CLDN14: variants seen among roughly 807,000 people sequenced by gnomAD.
CLDN14 encodes claudin 14.
Under a neutral mutation model 2.1 loss-of-function variants are expected in CLDN14, and 2 were observed. That is an observed-to-expected ratio of 0.96 (90% CI 0.39 to 3.01). The LOEUF (loss-of-function observed/expected upper bound fraction) is 3.01. Ranked by LOEUF, CLDN14 falls within the 30% of genes most tolerant of loss-of-function variation. CLDN14 has a pLI of 0.09. For missense variants in CLDN14, 298 were observed against 328.0 expected (o/e 0.91, Z 0.71); for synonymous variants, 136 against 154.4 (o/e 0.88, Z 0.88).
intron 1 of CLDN14, among the ~76,000 whole-genome samples, chr21:36,543,141 T>G (rs754241101): frequency 1.3e-5 from 2 of 152,160 alleles, no homozygotes; most frequent in Non-Finnish European, 2.9e-5. Flanking sequence ...ACTCAACTGC[T>G]GGGGCAGGGG....
Position 36,488,979 on chromosome 21 carries a change from A to G in CLDN14, c.-82+21384T>C, listed in dbSNP as rs139957562. Among the ~76,000 whole-genome samples, 1,129 of 151,540 alleles carry G rather than the reference A, an allele frequency of 7.5e-3. 12 individuals carry two copies. The highest frequency in any genetic ancestry group is 0.025 in the African/African-American group (1,050 of 41,314). ...ACAAAAATTAGCTGGGTGTGGTGGC[A>G]TGCATCTGCGATCCCAGCTACTCAG... On this transcript the variant is annotated intron_variant, in intron 2 of 2. Coordinates refer to the CLDN14 transcript ENST00000342108.
At chr21:36,557,117 AG>A (rs2087604284) in intron 1 of CLDN14, among the ~76,000 whole-genome samples, 1 of 152,202 alleles carries the variant, frequency 6.6e-6, no homozygotes, top group Non-Finnish European at 1.5e-5. Flanking sequence ...CTCATATTGT[AG>A]AATTTCTTAC....
At chr21:36,481,828 A>G (rs540314843), upstream of CLDN14, among the ~76,000 whole-genome samples, 61 of 152,340 alleles carry the variant, frequency 4.0e-4, no homozygotes, top group South Asian at 8.5e-3. Context: ...ATAGAAAGGT[A>G]TTGATTTGTT....
At chr21:36,488,515 C>A (rs1387809819) in intron 2 of CLDN14, among the ~76,000 whole-genome samples, 1 of 152,026 alleles carries the variant, frequency 6.6e-6, no homozygotes, top group Non-Finnish European at 1.5e-5. Context: ...CGTGATCCAC[C>A]CTCCTCGGCC....
chr21:36,520,362 T>G (rs763923773), intron 1 of CLDN14, among the ~76,000 whole-genome samples: 56 of 152,340 alleles, frequency 3.7e-4, no homozygotes, highest in South Asian at 1.2e-3. Context: ...AATCTCATCT[T>G]GAATTGTAGC....
At position 36,461,312 on chromosome 21, in the gene CLDN14, G is replaced by A. The variant is rs780095902; in HGVS notation, c.384C>T (p.Ala128=). ...AGACGGCCACCATGCACAGGAGGCC[G>A]GCCAGGATGAAGAGGGTGCCGCCGA... ...AILGGTLFIL[A]GLLCMVAVSW... Residue 128 remains alanine (A), a synonymous_variant, in exon 2 of 2, where the codon GCC becomes GCT. Transcript: ENST00000399135. 18 of 1,613,620 alleles carry A rather than the reference G, an allele frequency of 1.1e-5. No individual in the cohort carries two copies. The highest frequency in any genetic ancestry group is 3.3e-5 in the Admixed American group (2 of 60,028).
chr21:36,470,255 G>A (rs1243539215), intron 1 of CLDN14, among the ~76,000 whole-genome samples: 3 of 152,168 alleles, frequency 2.0e-5, no homozygotes, highest in African/African-American at 7.2e-5. Context: ...TTTGGAAATA[G>A]GGTCATTGCA....
At chr21:36,540,225 T>C (rs1225860730) in intron 1 of CLDN14, among the ~76,000 whole-genome samples, 1 of 152,062 alleles carries the variant, frequency 6.6e-6, no homozygotes, top group East Asian at 1.9e-4. Flanking sequence ...GTCCCTGATA[T>C]TAAATGGCGT....
chr21:36,483,403 G>A (rs540099348), upstream of CLDN14, among the ~76,000 whole-genome samples: 9 of 152,352 alleles, frequency 5.9e-5, no homozygotes, highest in South Asian at 4.1e-4. Flanking sequence ...CAAACCATGC[G>A]TCTCTCTGAG....
rs1253132523 is a variant in CLDN14 at position 36,461,739 on chromosome 21, C to T, written c.-44G>A. 1.1e-5 allele frequency: 17 copies of T among 1,540,758 alleles called. No homozygotes were observed. The highest frequency in any genetic ancestry group is 1.5e-5 in the Non-Finnish European group (17 of 1,144,738). On this transcript the variant is annotated 5_prime_UTR_variant, in exon 2 of 2. Transcript: ENST00000399135. Reference sequence around the variant, plus strand: ...GGCCAGCCGGGCAGCTCCCTGGGCCCTCGGGGTCACGCCGCTCCTCAGGTG... The same window carrying T: ...GGCCAGCCGGGCAGCTCCCTGGGCCTTCGGGGTCACGCCGCTCCTCAGGTG...
At chr21:36,517,591 C>T (rs568723166) in intron 1 of CLDN14, among the ~76,000 whole-genome samples, 1 of 152,326 alleles carries the variant, frequency 6.6e-6, no homozygotes, top group African/African-American at 2.4e-5. Context: ...AATGACAAGA[C>T]TCGCCATGCA....
intron 1 of CLDN14, among the ~76,000 whole-genome samples, chr21:36,573,945 T>C (rs1306779002): frequency 6.6e-6 from 1 of 152,198 alleles, no homozygotes; most frequent in East Asian, 1.9e-4. Context: ...TATACCATGT[T>C]CATTGATTGG....
intron 2 of CLDN14, among the ~76,000 whole-genome samples, chr21:36,490,110 A>G (rs1025425032): frequency 1.1e-4 from 16 of 152,216 alleles, no homozygotes; most frequent in Non-Finnish European, 1.9e-4. Context: ...CAGTCTAGAG[A>G]TGAGGAAGTC....
intron 1 of CLDN14, among the ~76,000 whole-genome samples, chr21:36,465,134 G>GA (rs1555842562): frequency 6.6e-6 from 1 of 152,152 alleles, no homozygotes; most frequent in Non-Finnish European, 1.5e-5. Context: ...CCAGATCTCC[G>GA]AATGGCCTCT....
chr21:36,460,928 C>CA lies in CLDN14; in HGVS notation c.*47_*48insT. Reference sequence around the variant, plus strand: ...CCCCTGCCTCCATTGACAGTCCCGCCGGGGACCCAGCCCACAGCAGCCCAG... The same window carrying CA: ...CCCCTGCCTCCATTGACAGTCCCGCCAGGGGACCCAGCCCACAGCAGCCCAG... On this transcript the variant is annotated 3_prime_UTR_variant, in exon 2 of 2. Coordinates refer to ENST00000399135, the MANE Select transcript of CLDN14 (RefSeq NM_001146079.2). This position sits in a 1 kb window ranked among gnomAD's most constrained non-coding sequence, Gnocchi z 4.0. 1 of 1,594,004 alleles carries CA rather than the reference C, an allele frequency of 6.3e-7. No homozygotes were observed. Among genetic ancestry groups the CA allele is most frequent in the African/African-American group, 1.3e-5 (1 of 74,648 alleles).
chr21:36,538,685 C>T (rs184888948), intron 1 of CLDN14, among the ~76,000 whole-genome samples: 1 of 152,318 alleles, frequency 6.6e-6, no homozygotes, highest in Non-Finnish European at 1.5e-5. Flanking sequence ...CGTCCAGCAG[C>T]AGTCGGTAAG....
chr21:36,537,989 A>ACG (rs2087442413), intron 1 of CLDN14, among the ~76,000 whole-genome samples: 1 of 149,074 alleles, frequency 6.7e-6, no homozygotes. Flanking sequence ...TCAAAACAAA[A>ACG]TGTGTGTGTG....
chr21:36,472,886 C>T (rs1872945001), intron 1 of CLDN14, among the ~76,000 whole-genome samples: 1 of 152,170 alleles, frequency 6.6e-6, no homozygotes, highest in South Asian at 2.1e-4. Flanking sequence ...CCCAAATGTC[C>T]CGTCTCCAAA....
intron 1 of CLDN14, among the ~76,000 whole-genome samples, chr21:36,516,766 T>C (rs2087231783): frequency 6.6e-6 from 1 of 152,234 alleles, no homozygotes; most frequent in African/African-American, 2.4e-5. Context: ...AGTACATTGG[T>C]GAGCGATAAG....
Sources: gnomAD v4.1 joint callset for allele counts (sites outside exome capture counted in the v4.1 genomes callset) on GRCh38, gnomAD v4.1.1 for gene constraint, Gnocchi (gnomAD v3.1) non-coding constraint, MANE v1.5 for transcripts, NCBI Gene and HGNC (gene_info 2026-07-23, HGNC 2026-07-21) for gene names.